The following MGAM variants were observed in gnomAD, a reference collection of about 807,000 sequenced individuals.
The protein encoded by MGAM is maltase-glucoamylase.
In MGAM, 253 loss-of-function variants were observed where a neutral mutation model predicts 358.8. That is an observed-to-expected ratio of 0.71 (90% CI 0.64 to 0.78). The LOEUF (loss-of-function observed/expected upper bound fraction) is 0.78. MGAM is among the 30% of genes least tolerant of loss of function. The probability of loss-of-function intolerance (pLI) is 0.00; values close to 1 mark genes in which losing one functional copy is unlikely to be tolerated. For synonymous variants in MGAM, 1,105 were observed against 1,227.1 expected, an observed-to-expected ratio of 0.90 and a Z score of 2.08; for missense variants, 3,080 against 3,432.6, an observed-to-expected ratio of 0.90 and a Z score of 2.57.
chr7:141,997,994 G>T (rs1584887736), intron 1 of MGAM, among the ~76,000 whole-genome samples: 3 of 152,068 alleles, frequency 2.0e-5, no homozygotes, highest in Admixed American at 2.0e-4. Flanking sequence ...GATTTTAAAA[G>T]AATGGCTTAG....
chr7:142,011,694 C>T (rs550813424), intron 3 of MGAM, among the ~76,000 whole-genome samples: 14 of 152,032 alleles, frequency 9.2e-5, no homozygotes, highest in African/African-American at 3.1e-4. Flanking sequence ...ATTAAACGTT[C>T]GATTAAATGA....
At chr7:142,050,119 G>A (rs1810796043) in intron 22 of MGAM, 116 bp from the exon 23 acceptor site, 1 of 918,786 alleles carries the variant, frequency 1.1e-6, no homozygotes, top group African/African-American at 1.7e-5. Context: ...CATCCATAAG[G>A]AAAAGGAAAA....
At chr7:142,078,562 A>G in intron 48 of MGAM, 92 bp downstream of exon 48, 4 of 1,274,134 alleles carry the variant, frequency 3.1e-6, no homozygotes, top group Non-Finnish European at 4.3e-6. Context: ...ATAACTACTT[A>G]AAATCCATAG....
At chr7:142,026,997 C>T (rs1554461143) in intron 8 of MGAM, 118 bp from the exon 9 acceptor site, 1 of 728,480 alleles carries the variant, frequency 1.4e-6, no homozygotes, top group Non-Finnish European at 2.4e-6. Context: ...AAATGTGAGG[C>T]ACTAGGGTCA....
intron 21 of MGAM, among the ~76,000 whole-genome samples, chr7:142,045,859 A>G (rs1318513474): frequency 8.2e-6 from 1 of 121,252 alleles, no homozygotes; most frequent in Non-Finnish European, 1.6e-5. Context: ...TAATATATAT[A>G]TTATATATAC....
At chr7:142,098,214 A>G (rs7801560) in intron 66 of MGAM, among the ~76,000 whole-genome samples, 20,753 of 61,872 alleles carry the variant, frequency 0.34, 1,556 homozygotes, top group Non-Finnish European at 0.54. Context: ...TTTAGAAATG[A>G]GGAAGCAATG....
chr7:142,031,872 A>G, intron 13 of MGAM, 79 bp downstream of exon 13: 1 of 958,122 alleles, frequency 1.0e-6, no homozygotes, highest in Non-Finnish European at 1.7e-6. Flanking sequence ...TGAGTCACAG[A>G]GCATAGGGAG....
chr7:141,998,166 C>T (rs1563096860), intron 1 of MGAM, among the ~76,000 whole-genome samples: 6 of 152,118 alleles, frequency 3.9e-5, no homozygotes, highest in African/African-American at 1.2e-4. Context: ...TGAGCTTTGA[C>T]AATTATTCAT....
rs781906055 is a variant in MGAM, at chr7:142,025,082, C to A, written c.915C>A (p.Phe305Leu). ...NGTNLYGAQT[F>L]FLCLEDASGL... is the part of the protein sequence containing the mutation. ...CTAATTTGTATGGTGCGCAGACATT[C>A]TTCTTGTGCCTTGAAGATGCTAGTG... is the stretch of plus-strand genomic sequence containing the variant. Residue 305 changes from phenylalanine (F) to leucine (L), a missense_variant, in exon 8 of 71, where the codon TTC becomes TTA. Physicochemically the swap from Phe to Leu is conservative, Grantham distance 22. Around this residue, in one of 5 missense-constraint regions of MGAM, gnomAD observed 1,816 missense variants for 1,840.5 expected, o/e 0.99. Transcript: ENST00000475668. 1 of 1,613,614 alleles carries A rather than the reference C, an allele frequency of 6.2e-7. No individual in the cohort carries two copies. The highest frequency in any genetic ancestry group is 1.3e-5 in the African/African-American group (1 of 74,908).
Position 142,059,436 on chromosome 7 carries a change from A to G in MGAM, c.3820-36A>G, listed in dbSNP as rs774429664. 10 of 1,598,440 alleles carry G rather than the reference A, an allele frequency of 6.3e-6. No individual in the cohort carries two copies. The Admixed American group carries it at 8.6e-5, about 14-fold the overall frequency. ...TCTCCTATAAAGCTTGGGCGTGTAC[A>G]GCAGCAGCCTCTCAGCTCCCCATGT... On this transcript the variant is annotated intron_variant, in intron 31 of 70. Transcript: ENST00000475668.
At chr7:142,064,602 T>G (rs1403612793) in intron 37 of MGAM, 80 bp downstream of exon 37, 6 of 1,490,198 alleles carry the variant, frequency 4.0e-6, no homozygotes, top group East Asian at 4.9e-5. Flanking sequence ...TAGTTTTCCT[T>G]TCATTCCATT....
At chr7:142,032,980 T>G in intron 14 of MGAM, 71 bp downstream of exon 14, 1 of 1,035,776 alleles carries the variant, frequency 9.7e-7, no homozygotes, top group Middle Eastern at 2.1e-4. Context: ...AGGACAGATC[T>G]GAAAAATCTG....
In MGAM at chr7:142,065,409, C is replaced by G. The variant is rs972966549; in HGVS notation, c.4559C>G (p.Ala1520Gly). 6.2e-7 allele frequency: 1 copy of G among 1,610,500 alleles called. No homozygotes were observed. The highest frequency in any genetic ancestry group is 8.5e-7 in the Non-Finnish European group (1 of 1,178,314). ...ACATTTCCCTCTTCTGGCCGCTGGGCAGGACATTGGCTGGGAGACAACACG... is the reference window on the plus strand; with the variant it reads ...ACATTTCCCTCTTCTGGCCGCTGGGGAGGACATTGGCTGGGAGACAACACG... ...RSTFPSSGRW[A>G]GHWLGDNTAA... Residue 1520 changes from alanine to glycine, a missense_variant, in exon 38 of 71, where the codon GCA becomes GGA. By Grantham distance (60) the Ala-to-Gly change is moderately conservative (BLOSUM62 0). Coordinates refer to ENST00000475668, the MANE Select transcript of MGAM (RefSeq NM_001365693.1).
upstream of MGAM, among the ~76,000 whole-genome samples, chr7:141,991,686 C>T (rs1438993806): frequency 7.2e-5 from 11 of 152,168 alleles, no homozygotes; most frequent in African/African-American, 2.4e-4. Flanking sequence ...CCGCCTGCCT[C>T]AGCCTCCCAA....
intron 18 of MGAM, 91 bp from the exon 19 acceptor site, chr7:142,038,440 C>A: frequency 1.0e-6 from 1 of 986,504 alleles, no homozygotes; most frequent in Non-Finnish European, 1.5e-6. Context: ...AGACGGCCTG[C>A]ATGCTTTCAA....
In MGAM at chr7:142,091,627, C is replaced by T. The variant is rs186900186; in HGVS notation, c.6811-286C>T. On this transcript the variant is annotated intron_variant, in intron 57 of 70. Coordinates refer to ENST00000475668, the MANE Select transcript of MGAM (RefSeq NM_001365693.1). The stretch of plus-strand genomic sequence containing the variant: ...AGGACTGACATTGAGGGTTGGGCAT[C>T]GAATGCATGAGGTCACTAGTTCGGG... Among the ~76,000 whole-genome samples, 13 of 146,108 alleles carry T rather than the reference C, an allele frequency of 8.9e-5. 1 individual carries two copies. The highest frequency in any genetic ancestry group is 2.2e-4 in the African/African-American group (9 of 41,188).
intron 37 of MGAM, 21 bp from the exon 38 acceptor site, chr7:142,065,314 C>T: frequency 6.2e-7 from 1 of 1,601,540 alleles, no homozygotes. Context: ...CTCAGTTCAC[C>T]TCCTGTTCCC....
At position 142,058,210 on chromosome 7, in the gene MGAM, G is replaced by C. The variant is rs1465806339; in HGVS notation, c.3701G>C (p.Gly1234Ala). 1.1e-5 allele frequency: 17 copies of C among 1,613,662 alleles called. No individual in the cohort carries two copies. Among genetic ancestry groups the C allele is most frequent in the Non-Finnish European group, 1.4e-5 (17 of 1,179,792 alleles). ...TTTCTGTCTATTTTCTAGTTGATTGGCCGGCCTGTGATGGTACCTTACTGG... is the reference window on the plus strand; with the variant it reads ...TTTCTGTCTATTTTCTAGTTGATTGCCCGGCCTGTGATGGTACCTTACTGG... ...LVTQQYTELI[G>A]RPVMVPYWSL... Residue 1234 changes from glycine (G) to alanine (A), a missense_variant, in exon 31 of 71, where the codon GGC becomes GCC. Gly to Ala is a moderately conservative substitution (Grantham distance 60, BLOSUM62 0). Coordinates refer to ENST00000475668, the MANE Select transcript of MGAM (RefSeq NM_001365693.1).
intron 70 of MGAM, among the ~76,000 whole-genome samples, chr7:142,105,390 T>C (rs1434024512): frequency 6.6e-6 from 1 of 151,906 alleles, no homozygotes; most frequent in African/African-American, 2.4e-5. Context: ...CAAGTTCAAG[T>C]GATTCTCCTG....
Sources: gnomAD v4.1 joint callset for allele counts (sites outside exome capture counted in the v4.1 genomes callset) on GRCh38, gnomAD v4.1.1 for gene constraint, gnomAD v4.1.1 regional missense constraint, MANE v1.5 for transcripts, NCBI Gene and HGNC (gene_info 2026-07-23, HGNC 2026-07-21) for gene names.